Variants in GALNT8 observed in about 807,000 individuals in gnomAD.
GALNT8 encodes the protein probable polypeptide N-acetylgalactosaminyltransferase 8.
GALNT8 carries 66 observed loss-of-function variants against 62.7 expected under a neutral mutation model. That is an observed-to-expected ratio of 1.05 (90% CI 0.86 to 1.29). The LOEUF is 1.29. Among genes scored for constraint, GALNT8 ranks in the 50% most tolerant of loss-of-function variants. The pLI is 0.00. For missense variants in GALNT8, 771 were observed against 791.8 expected, an observed-to-expected ratio of 0.97 and a Z score of 0.32; for synonymous variants, 288 against 294.3, an observed-to-expected ratio of 0.98 and a Z score of 0.22.
intron 6 of GALNT8, among the ~76,000 whole-genome samples, chr12:4,757,824 C>CA (rs1946352008): frequency 6.6e-6 from 1 of 152,152 alleles, no homozygotes; most frequent in Non-Finnish European, 1.5e-5. Flanking sequence ...AATATAAATG[C>CA]AAAAATAATA....
chr12:4,746,641 C>T (rs1051669154), intron 6 of GALNT8, among the ~76,000 whole-genome samples: 41 of 152,272 alleles, frequency 2.7e-4, no homozygotes, highest in Admixed American at 9.2e-4. Flanking sequence ...GGAATGCAGA[C>T]GTGTGGGCAG....
chr12:4,744,538 A>G lies in GALNT8; in HGVS notation c.698A>G (p.Asp233Gly), dbSNP rs748304510. Residue 233 changes from aspartate (D) to glycine (G), a missense_variant, in exon 4 of 11, where the codon GAT becomes GGT. By Grantham distance (94) the Asp-to-Gly change is moderately conservative. Coordinates refer to ENST00000252318, the MANE Select transcript of GALNT8 (RefSeq NM_017417.2). The stretch of plus-strand genomic sequence containing the variant: ...ACAGGAGAACTAAAGGTACACTTGG[A>G]TGAGAAGATTAAGCTTTACAACCAG... ...SSNGELKVHL[D>G]EKIKLYNQKY... The G allele has an allele frequency of 6.2e-7, 1 of 1,610,614 alleles. No individual in the cohort carries two copies. The highest frequency in any genetic ancestry group is 1.1e-5 in the South Asian group (1 of 90,566).
At chr12:4,735,902 T>G (rs1358821089) in intron 2 of GALNT8, among the ~76,000 whole-genome samples, 1 of 152,188 alleles carries the variant, frequency 6.6e-6, no homozygotes, top group South Asian at 2.1e-4. Context: ...GGGACTGACC[T>G]TATTTAGAAG....
intron 6 of GALNT8, among the ~76,000 whole-genome samples, chr12:4,758,548 T>G (rs570167230): frequency 1.5e-4 from 22 of 151,260 alleles, no homozygotes; most frequent in East Asian, 5.9e-4. Context: ...TTATGCAAAG[T>G]GTTAGGACAG....
At chr12:4,731,222 G>T (rs1252888679) in intron 2 of GALNT8, among the ~76,000 whole-genome samples, 1 of 152,046 alleles carries the variant, frequency 6.6e-6, no homozygotes, top group Non-Finnish European at 1.5e-5. Flanking sequence ...TCACCTCCTT[G>T]GTTAAATGTA....
chr12:4,758,656 G>C (rs1366952041), intron 6 of GALNT8, among the ~76,000 whole-genome samples: 1 of 151,372 alleles, frequency 6.6e-6, no homozygotes, highest in African/African-American at 2.4e-5. Context: ...GAGAGAGAGA[G>C]AGAGAGAGAG....
Position 4,746,248 on chromosome 12 carries a change from T to C in GALNT8, c.1163T>C (p.Leu388Pro). 1 of 1,583,496 alleles carries C rather than the reference T, an allele frequency of 6.3e-7. No homozygotes were observed. Among genetic ancestry groups the C allele is most frequent in the Admixed American group, 1.7e-5 (1 of 59,978 alleles). Residue 388 changes from leucine to proline, a missense_variant, in exon 6 of 11, where the codon CTT (leucine) becomes CCT (proline). Leu to Pro is a moderately conservative substitution (Grantham distance 98). Transcript: ENST00000252318. ...MLIYGGENVE[L>P]SLRVWQCGGK... ...ATCTATGGAGGAGAGAACGTGGAGC[T>C]TAGCCTGAGGGTGGGTACATTTCCC...
chr12:4,753,763 C>T (rs1230633163), intron 6 of GALNT8, among the ~76,000 whole-genome samples: 1 of 152,134 alleles, frequency 6.6e-6, no homozygotes, highest in Admixed American at 6.5e-5. Context: ...AGTTAGTCTA[C>T]TTATTCTAAG....
intron 6 of GALNT8, among the ~76,000 whole-genome samples, chr12:4,757,194 C>T (rs1185925782): frequency 1.3e-5 from 2 of 152,138 alleles, no homozygotes; most frequent in Non-Finnish European, 2.9e-5. Context: ...TATAAGTTAC[C>T]CAGTCTCAGG....
chr12:4,723,680 G>A (rs567240711), intron 1 of GALNT8, among the ~76,000 whole-genome samples: 17 of 150,656 alleles, frequency 1.1e-4, no homozygotes, highest in South Asian at 2.1e-4. Context: ...ATGTTGTGAT[G>A]TCAGAGACTC....
In GALNT8 at chr12:4,744,576, C is replaced by T; in HGVS notation, c.736C>T (p.Leu246=). The change falls in exon 4 of 11, where the codon CTA becomes TTA. Residue 246 remains leucine (L), a synonymous_variant. Coordinates refer to ENST00000252318, the MANE Select transcript of GALNT8 (RefSeq NM_017417.2). The part of the protein sequence containing the change: ...IKLYNQKYPG[L]LKIIRHPERK... ...GCTTTACAACCAGAAGTATCCAGGA[C>T]TACTGAAAATAATACGGCATCCTGA... 1 of 1,612,542 alleles carries T rather than the reference C, an allele frequency of 6.2e-7. No individual in the cohort carries two copies.
At chr12:4,769,631 A>G (rs1309437005) in intron 10 of GALNT8, among the ~76,000 whole-genome samples, 1 of 152,128 alleles carries the variant, frequency 6.6e-6, no homozygotes, top group East Asian at 1.9e-4. Flanking sequence ...TGTTAAATTT[A>G]TATAAAGAAG....
At chr12:4,734,412 C>T (rs1286669842) in intron 2 of GALNT8, among the ~76,000 whole-genome samples, 2 of 152,080 alleles carry the variant, frequency 1.3e-5, no homozygotes, top group Admixed American at 6.6e-5. Context: ...TAACAAGATC[C>T]CCAAGTGATT....
chr12:4,763,205 G>C, intron 7 of GALNT8, 48 bp from the exon 8 acceptor site: 1 of 1,554,118 alleles, frequency 6.4e-7, no homozygotes, highest in Admixed American at 1.7e-5. Flanking sequence ...CGCTTTAACA[G>C]AGCTTTCATG....
In GALNT8 at chr12:4,726,389, C is replaced by T; in HGVS notation, c.212-143C>T. On this transcript the variant is annotated intron_variant, in intron 1 of 10. Transcript: ENST00000252318. This position sits in a 1 kb window ranked among gnomAD's most constrained non-coding sequence, Gnocchi z 4.1. ...ATGGCTGGATAAGTTCCCTGACATACTACATCCTCTGTGACAAGAGCTTAT... is the reference window on the plus strand; with the variant it reads ...ATGGCTGGATAAGTTCCCTGACATATTACATCCTCTGTGACAAGAGCTTAT... 1.6e-6 allele frequency: 1 copy of T among 632,742 alleles called. No individual in the cohort carries two copies. The highest frequency in any genetic ancestry group is 2.7e-6 in the Non-Finnish European group (1 of 366,628). 39.2% of individuals were successfully genotyped at this position (632,742 alleles called of 1,614,324 possible). A position where few individuals can be genotyped will look rare whatever the true frequency, so the allele number is the denominator to read the frequency against.
chr12:4,756,502 A>G (rs1398877057), intron 6 of GALNT8, among the ~76,000 whole-genome samples: 2 of 152,180 alleles, frequency 1.3e-5, no homozygotes, highest in Non-Finnish European at 2.9e-5. Flanking sequence ...CATTGTAACA[A>G]ACACTGACCC....
chr12:4,726,961 G>T lies in GALNT8; in HGVS notation c.509+132G>T, dbSNP rs1326227825. On this transcript the variant is annotated intron_variant, in intron 2 of 10. Coordinates refer to ENST00000252318, the MANE Select transcript of GALNT8 (RefSeq NM_017417.2). This position sits in a 1 kb window ranked among gnomAD's most constrained non-coding sequence, Gnocchi z 4.1. Reference sequence around the variant, plus strand: ...GGGGTTCAGGCTGAGCAAAGTTGTTGTTTTCAATTTATTTTATAATGACAG... The same window carrying T: ...GGGGTTCAGGCTGAGCAAAGTTGTTTTTTTCAATTTATTTTATAATGACAG... 2 of 707,852 alleles carry T rather than the reference G, an allele frequency of 2.8e-6. No individual in the cohort carries two copies. The highest frequency in any genetic ancestry group is 2.7e-5 in the Admixed American group (1 of 36,410). The allele number at this position is 707,852 out of a possible 1,614,324, so 43.8% of individuals were successfully genotyped here. A position where few individuals can be genotyped will look rare whatever the true frequency, so the allele number is the denominator to read the frequency against.
At chr12:4,740,306 T>G (rs752610808) in intron 3 of GALNT8, among the ~76,000 whole-genome samples, 14 of 152,220 alleles carry the variant, frequency 9.2e-5, no homozygotes, top group Non-Finnish European at 1.8e-4. Context: ...ATTCTGATTT[T>G]CTTGTACACA....
chr12:4,737,956 G>C (rs1946253089), intron 2 of GALNT8, among the ~76,000 whole-genome samples: 1 of 152,148 alleles, frequency 6.6e-6, no homozygotes, highest in Admixed American at 6.5e-5. Flanking sequence ...AAGTTACCCA[G>C]TCTCAGGTAT....
Sources: gnomAD v4.1 joint callset for allele counts (sites outside exome capture counted in the v4.1 genomes callset) on GRCh38, gnomAD v4.1.1 for gene constraint, Gnocchi (gnomAD v3.1) non-coding constraint, MANE v1.5 for transcripts, NCBI Gene and HGNC (gene_info 2026-07-23, HGNC 2026-07-21) for gene names.